Variants in NOX4 observed in about 807,000 individuals in gnomAD.
NOX4 encodes kidney oxidase-1.
NOX4 carries 69 observed loss-of-function variants against 87.6 expected under a neutral mutation model. That is an observed-to-expected ratio of 0.79 (90% CI 0.65 to 0.96). NOX4 has a LOEUF of 0.96. Among genes scored for constraint, NOX4 ranks in the 40% least tolerant of loss-of-function variants. The pLI is 0.00. For missense variants in NOX4, 680 were observed against 681.5 expected (o/e 1.00, Z 0.02); for synonymous variants, 275 against 238.2 (o/e 1.15, Z -1.42).
chr11:89,567,361 C>A, the NOX4 span, among the ~76,000 whole-genome samples: 1 of 152,182 alleles, frequency 6.6e-6, no homozygotes, highest in Non-Finnish European at 1.5e-5. Flanking sequence ...CTGCCTATGG[C>A]CTCTTCCTAC....
chr11:89,422,012 C>A, intron 7 of NOX4, 30 bp from the exon 8 acceptor site: 1 of 1,145,198 alleles, frequency 8.7e-7, no homozygotes, highest in Non-Finnish European at 1.3e-6. Context: ...CATTTTAATG[C>A]TACTTTACAT....
At chr11:89,533,928 C>T in the NOX4 span, 2 of 152,216 alleles carry the variant, frequency 1.3e-5, no homozygotes, top group Non-Finnish European at 2.9e-5. Context: ...AGAGCATTGT[C>T]TTAAGCTTGT....
At position 89,396,071 on chromosome 11, in the gene NOX4, T is replaced by C. The variant is rs184826386; in HGVS notation, c.1074+3946A>G. Among the ~76,000 whole-genome samples, 101 of 152,258 alleles carry C rather than the reference T, an allele frequency of 6.6e-4. 1 individual carries two copies. The highest frequency in any genetic ancestry group is 2.3e-3 in the African/African-American group (95 of 41,558). ...CATAGGTAGCTTGATGGGGATGGCA[T>C]TGAATCTATAAATTACCATGGGAAG... On this transcript the variant is annotated intron_variant, in intron 11 of 17. Coordinates refer to ENST00000263317, the MANE Select transcript of NOX4 (RefSeq NM_016931.5).
At chr11:89,452,224 T>C (rs1944992915) in intron 2 of NOX4, among the ~76,000 whole-genome samples, 2 of 152,202 alleles carry the variant, frequency 1.3e-5, no homozygotes, top group African/African-American at 4.8e-5. Context: ...AGAGTTTCTG[T>C]ATATACTGCA....
At chr11:89,516,142 A>G in the NOX4 span, among the ~76,000 whole-genome samples, 1 of 150,206 alleles carries the variant, frequency 6.7e-6, no homozygotes, top group Non-Finnish European at 1.5e-5. Context: ...CTTCATCCTT[A>G]AAAAAAAATC....
chr11:89,438,895 T>TAATATAA (rs1555031825), intron 6 of NOX4, among the ~76,000 whole-genome samples: 100 of 25,908 alleles, frequency 3.9e-3, no homozygotes, highest in African/African-American at 0.016. Flanking sequence ...ATATTATATA[T>TAATATAA]TATATATATA....
the NOX4 span, among the ~76,000 whole-genome samples, chr11:89,579,131 T>C: frequency 1.3e-5 from 2 of 152,150 alleles, no homozygotes; most frequent in African/African-American, 2.4e-5. Context: ...AAAAGATAAT[T>C]GGTTTTCTAG....
chr11:89,363,061 A>T (rs1591026125), intron 12 of NOX4, among the ~76,000 whole-genome samples: 1 of 152,236 alleles, frequency 6.6e-6, no homozygotes. Context: ...TTGTAATTGC[A>T]TTCTAAATTA....
chr11:89,501,647 C>T (rs531146128), upstream of NOX4, among the ~76,000 whole-genome samples: 1 of 152,046 alleles, frequency 6.6e-6, no homozygotes, highest in African/African-American at 2.4e-5. Context: ...AATCCTCTGT[C>T]CTTCCAAGCC....
upstream of NOX4, chr11:89,491,584 G>A (rs1591381633): frequency 3.1e-6 from 1 of 318,802 alleles, no homozygotes; most frequent in Non-Finnish European, 5.7e-6. Context: ...TGTTGTTGTG[G>A]CTGCTGCTGT....
chr11:89,382,457 G>A (rs1298199500), intron 11 of NOX4, among the ~76,000 whole-genome samples: 3 of 152,070 alleles, frequency 2.0e-5, no homozygotes, highest in Non-Finnish European at 4.4e-5. Flanking sequence ...GGTCTGAGGT[G>A]CCTGACATCC....
At chr11:89,517,630 TA>T in the NOX4 span, among the ~76,000 whole-genome samples, 1 of 110,674 alleles carries the variant, frequency 9.0e-6, no homozygotes, top group Admixed American at 9.7e-5. Context: ...CACAACTGGC[TA>T]ATTTTTTTTT....
chr11:89,377,918 A>G (rs574440623), intron 11 of NOX4, among the ~76,000 whole-genome samples: 1 of 152,298 alleles, frequency 6.6e-6, no homozygotes, highest in Non-Finnish European at 1.5e-5. Flanking sequence ...ATCTAAAATT[A>G]CTATTATCCT....
chr11:89,392,256 C>G (rs999816154), intron 11 of NOX4, among the ~76,000 whole-genome samples: 1 of 151,994 alleles, frequency 6.6e-6, no homozygotes, highest in Admixed American at 6.6e-5. Context: ...CACTTCTGAA[C>G]CTGAATCTTC....
In NOX4 at chr11:89,449,478, A is replaced by G; in HGVS notation, c.311T>C (p.Phe104Ser). 1 of 1,612,256 alleles carries G rather than the reference A, an allele frequency of 6.2e-7. No homozygotes were observed. The highest frequency in any genetic ancestry group is 8.5e-7 in the Non-Finnish European group (1 of 1,178,974). ...GATAGTAACACCACAGGTAATATGG[A>G]ATGTTCTGCTTTTATCCAACAATCT... ...TRRLLDKSRT[F>S]HITCGVTICI... is the part of the protein sequence containing the mutation. Residue 104 changes from phenylalanine (F) to serine (S), a missense_variant, in exon 4 of 18, where the codon TTC becomes TCC. Coordinates refer to ENST00000263317, the MANE Select transcript of NOX4 (RefSeq NM_016931.5).
At chr11:89,374,067 T>C (rs910685655) in intron 11 of NOX4, among the ~76,000 whole-genome samples, 2 of 151,998 alleles carry the variant, frequency 1.3e-5, no homozygotes, top group Non-Finnish European at 2.9e-5. Flanking sequence ...GTAAAAAAAG[T>C]GCTTTATGGT....
At chr11:89,350,124 G>A (rs984367193) in intron 13 of NOX4, among the ~76,000 whole-genome samples, 3 of 152,126 alleles carry the variant, frequency 2.0e-5, no homozygotes, top group African/African-American at 7.2e-5. Flanking sequence ...TTTTCATGGA[G>A]CAATGTCTAC....
At chr11:89,388,174 A>T (rs1448940078) in intron 11 of NOX4, among the ~76,000 whole-genome samples, 2 of 152,196 alleles carry the variant, frequency 1.3e-5, no homozygotes, top group African/African-American at 4.8e-5. Flanking sequence ...GAATTATCTC[A>T]TAAACGATCT....
the NOX4 span, among the ~76,000 whole-genome samples, chr11:89,511,095 AT>A: frequency 6.6e-6 from 1 of 151,986 alleles, no homozygotes; most frequent in Non-Finnish European, 1.5e-5. Flanking sequence ...GTTCTTACGA[AT>A]TTTAAAAATT....
Sources: gnomAD v4.1 joint callset for allele counts (sites outside exome capture counted in the v4.1 genomes callset) on GRCh38, gnomAD v4.1.1 for gene constraint, MANE v1.5 for transcripts, NCBI Gene and HGNC (gene_info 2026-07-23, HGNC 2026-07-21) for gene names.